The following UQCC2 variants were observed in gnomAD, a reference collection of about 807,000 sequenced individuals.
UQCC2 encodes ubiquinol-cytochrome c reductase complex assembly factor 2, also known as breast cancer-associated protein SGA-81M.
Under a neutral mutation model 19.9 loss-of-function variants are expected in UQCC2, and 21 were observed. The observed-to-expected ratio is 1.05, with a 90% CI of 0.75 to 1.52. The LOEUF is 1.52. Among genes scored for constraint, UQCC2 ranks in the 40% most tolerant of loss-of-function variants. UQCC2 has a pLI of 0.00. For missense variants in UQCC2, 135 were observed against 157.5 expected (o/e 0.86, Z 0.76); for synonymous variants, 57 against 60.9 (o/e 0.94, Z 0.30).
intron 1 of UQCC2, among the ~76,000 whole-genome samples, chr6:33,707,276 A>C (rs1371508032): frequency 6.6e-6 from 1 of 152,240 alleles, no homozygotes; most frequent in Non-Finnish European, 1.5e-5. Context: ...AATTAAAAAT[A>C]GGATAATCTG....
chr6:33,700,725 C>T lies in UQCC2; in HGVS notation c.214-212G>A, dbSNP rs1026150585. ...TCCAACTATAATGTACCCGTGAGTC[C>T]TCCCTGGAAAACGCAGGTATGGGTG... On this transcript the variant is annotated intron_variant, in intron 2 of 3. Coordinates refer to ENST00000607484, the MANE Select transcript of UQCC2 (RefSeq NM_032340.4). Among the ~76,000 whole-genome samples the T allele has an allele frequency of 4.6e-5, 7 of 152,230 alleles. No individual in the cohort carries two copies. The East Asian group carries it at 9.6e-4, about 21-fold the overall frequency.
chr6:33,697,486 T>A lies in UQCC2; in HGVS notation c.*167A>T. On this transcript the variant is annotated 3_prime_UTR_variant, in exon 4 of 4. Coordinates refer to ENST00000607484, the MANE Select transcript of UQCC2 (RefSeq NM_032340.4). Reference sequence around the variant, plus strand: ...GTCACAGCAGATAGCTCAATCACCATCCCTTCTCAGGCTGAAACTTTCTTT... The same window carrying A: ...GTCACAGCAGATAGCTCAATCACCAACCCTTCTCAGGCTGAAACTTTCTTT... 1 of 586,512 alleles carries A rather than the reference T, an allele frequency of 1.7e-6. No individual in the cohort carries two copies. Among genetic ancestry groups the A allele is most frequent in the South Asian group, 2.2e-5 (1 of 44,722 alleles). The allele number at this position is 586,512 out of a possible 1,614,324, so 36.3% of individuals were successfully genotyped here.
chr6:33,707,219 G>C (rs970284380), intron 1 of UQCC2, among the ~76,000 whole-genome samples: 3 of 152,244 alleles, frequency 2.0e-5, no homozygotes, highest in African/African-American at 7.2e-5. Context: ...TTCCCTCTTA[G>C]AGATGATTCT....
At position 33,708,087 on chromosome 6, in the gene UQCC2, C is replaced by T. The variant is rs369580121; in HGVS notation, c.138+3462G>A. ...TTTAGTTAACCCAGCTTTTCTCCGC[C>T]TGGTGTCCCACCCAGGACCATCTTT... On this transcript the variant is annotated intron_variant, in intron 1 of 3. Transcript: ENST00000607484. Among the ~76,000 whole-genome samples the T allele has an allele frequency of 9.8e-5, 15 of 152,376 alleles. No homozygotes were observed. The East Asian group carries it at 1.5e-3, about 16-fold the overall frequency.
At chr6:33,706,054 A>G (rs6457739) in intron 1 of UQCC2, among the ~76,000 whole-genome samples, 62,480 of 152,074 alleles carry the variant, frequency 0.41, 15,305 homozygotes, top group East Asian at 0.85. Flanking sequence ...AAACTTTTAT[A>G]CATACAAATC....
In UQCC2 at chr6:33,701,571, T is replaced by C. The variant is rs144765821; in HGVS notation, c.139-151A>G. On this transcript the variant is annotated intron_variant, in intron 1 of 3. Transcript: ENST00000607484. ...TTCTCCACTCTGCGGGAAGCAAACCTGGACTACAGCTCTGCTATTAGAAAC... is the reference window on the plus strand; with the variant it reads ...TTCTCCACTCTGCGGGAAGCAAACCCGGACTACAGCTCTGCTATTAGAAAC... 1.4e-3 allele frequency: 914 copies of C among 643,226 alleles called. 7 individuals carry two copies. The highest frequency in any genetic ancestry group is 0.014 in the African/African-American group (755 of 53,598). 39.8% of individuals were successfully genotyped at this position (643,226 alleles called of 1,614,324 possible).
At chr6:33,704,236 T>C (rs1253626586) in intron 1 of UQCC2, among the ~76,000 whole-genome samples, 2 of 152,138 alleles carry the variant, frequency 1.3e-5, no homozygotes, top group African/African-American at 2.4e-5. Flanking sequence ...AGAACCACCC[T>C]GGTGGGAGTG....
In UQCC2 at chr6:33,697,587, G is replaced by A; in HGVS notation, c.*66C>T. On this transcript the variant is annotated 3_prime_UTR_variant, in exon 4 of 4. Coordinates refer to ENST00000607484, the MANE Select transcript of UQCC2 (RefSeq NM_032340.4). ...GTAAGGTCAAGGGGAAACTGGGGCAGTTTTATTGACGATGGCAATGTACAA... is the reference window on the plus strand; with the variant it reads ...GTAAGGTCAAGGGGAAACTGGGGCAATTTTATTGACGATGGCAATGTACAA... 1 of 1,296,360 alleles carries A rather than the reference G, an allele frequency of 7.7e-7. No homozygotes were observed. The highest frequency in any genetic ancestry group is 1.1e-6 in the Non-Finnish European group (1 of 929,306). The allele number at this position is 1,296,360 out of a possible 1,614,324, so 80.3% of individuals were successfully genotyped here.
intron 1 of UQCC2, among the ~76,000 whole-genome samples, chr6:33,701,734 A>G (rs1765642553): frequency 6.6e-6 from 1 of 151,996 alleles, no homozygotes; most frequent in African/African-American, 2.4e-5. Flanking sequence ...AGATGCCACA[A>G]TAGAAATGTA....
chr6:33,703,676 G>A lies in UQCC2; in HGVS notation c.139-2256C>T, dbSNP rs371833874. On this transcript the variant is annotated intron_variant, in intron 1 of 3. Coordinates refer to ENST00000607484, the MANE Select transcript of UQCC2 (RefSeq NM_032340.4). ...CCACAGTTTATCTTTCTCTGTATCT[G>A]TACATACATATCCTTCTTCTGATCC... is the stretch of plus-strand genomic sequence containing the variant. Among the ~76,000 whole-genome samples the A allele has an allele frequency of 4.0e-5, 6 of 151,758 alleles. No homozygotes were observed. In the East Asian group the frequency reaches 9.7e-4, roughly 24 times the overall value.
chr6:33,697,711 C>T lies in UQCC2; in HGVS notation c.323G>A (p.Trp108Ter). 1 of 1,614,158 alleles carries T rather than the reference C, an allele frequency of 6.2e-7. No homozygotes were observed. The change falls in exon 4 of 4, where the codon TGG becomes TAG. Residue 108 changes from tryptophan to a stop codon, truncating the protein, a stop_gained. Transcript: ENST00000607484. LOFTEE classifies it high-confidence loss of function. ...GGCAAACTTCTCCTGCAGTTTCTTC[C>T]ACATGCCTTTATCTATTTCCTTAAG... The part of the protein sequence containing the change: ...EELKEIDKGM[W>*]KKLQEKFAPK...
At chr6:33,705,645 C>G (rs1352033194) in intron 1 of UQCC2, among the ~76,000 whole-genome samples, 4 of 152,130 alleles carry the variant, frequency 2.6e-5, no homozygotes, top group Non-Finnish European at 5.9e-5. Context: ...GTCATGCTTA[C>G]TACTTAAAAG....
chr6:33,710,651 A>G (rs7753953), intron 1 of UQCC2, among the ~76,000 whole-genome samples: 3,236 of 152,140 alleles, frequency 0.021, 41 homozygotes, highest in South Asian at 0.047. Flanking sequence ...ACGCTACCCT[A>G]TTTTCTATCG....
intron 3 of UQCC2, 144 bp downstream of exon 3, chr6:33,700,300 C>T (rs140605288): frequency 2.0e-4 from 163 of 807,312 alleles, no homozygotes; most frequent in Middle Eastern, 1.9e-3. Context: ...AAAATGCATG[C>T]GCCCTGTAGC....
chr6:33,706,660 G>A (rs1350369131), intron 1 of UQCC2, among the ~76,000 whole-genome samples: 1 of 152,212 alleles, frequency 6.6e-6, no homozygotes, highest in African/African-American at 2.4e-5. Context: ...ACAGGGACCA[G>A]AAATGACTGG....
At chr6:33,701,445 A>G (rs766407155) in intron 1 of UQCC2, 25 bp from the exon 2 acceptor site, 4 of 1,609,974 alleles carry the variant, frequency 2.5e-6, no homozygotes, top group Non-Finnish European at 3.4e-6. Flanking sequence ...ATCCCAAAGG[A>G]GGTGAGCAAA....
intron 1 of UQCC2, among the ~76,000 whole-genome samples, chr6:33,708,909 G>T (rs528152450): frequency 8.5e-5 from 13 of 152,288 alleles, no homozygotes; most frequent in South Asian, 6.2e-4. Context: ...CCTGAGTAAT[G>T]CACCTGCTGC....
intron 3 of UQCC2, among the ~76,000 whole-genome samples, chr6:33,700,117 C>CCTTCATTAAAA (rs1765622134): frequency 6.6e-6 from 1 of 152,192 alleles, no homozygotes; most frequent in African/African-American, 2.4e-5. Flanking sequence ...GTTTATAAAG[C>CCTTCATTAAAA]CCTCTTAAGA....
At chr6:33,709,623 A>G (rs1555965) in intron 1 of UQCC2, among the ~76,000 whole-genome samples, 63,409 of 152,040 alleles carry the variant, frequency 0.42, 15,664 homozygotes, top group East Asian at 0.86. Flanking sequence ...CACCATGAAT[A>G]ATGTGAGGGC....
Sources: allele counts gnomAD v4.1 joint callset (sites outside exome capture counted in the v4.1 genomes callset), GRCh38; gene constraint gnomAD v4.1.1; transcripts MANE v1.5; gene names NCBI Gene and HGNC (gene_info 2026-07-23, HGNC 2026-07-21).